The following CCDC97 variants were observed in gnomAD, a reference collection of about 807,000 sequenced individuals.
CCDC97 encodes the protein coiled-coil domain-containing protein 97.
A neutral mutation model predicts 33.9 loss-of-function variants in CCDC97; 27 were observed. The observed-to-expected ratio is 0.80, with a 90% confidence interval of 0.59 to 1.10. The LOEUF (loss-of-function observed/expected upper bound fraction) is 1.10. Ranked by LOEUF, CCDC97 falls within the 50% of genes least tolerant of loss-of-function variation. The pLI, the probability that CCDC97 is intolerant of heterozygous loss-of-function variation, is 0.00. For missense variants in CCDC97, 422 were observed against 476.6 expected, an observed-to-expected ratio of 0.89 and a Z score of 1.07; for synonymous variants, 217 against 194.0, an observed-to-expected ratio of 1.12 and a Z score of -0.99.
At chr19:41,312,857 G>A (rs2037702895) in intron 1 of CCDC97, among the ~76,000 whole-genome samples, 1 of 152,072 alleles carries the variant, frequency 6.6e-6, no homozygotes, top group East Asian at 1.9e-4. Flanking sequence ...TCGGTTCACT[G>A]CAACCTCTGC....
chr19:41,315,245 C>T (rs1298688124), intron 1 of CCDC97, among the ~76,000 whole-genome samples: 1 of 130,954 alleles, frequency 7.6e-6, no homozygotes, highest in Non-Finnish European at 1.5e-5. Context: ...TGCAGTGAAT[C>T]AAGATTGCTC....
At chr19:41,312,113 T>G (rs2037692750) in intron 1 of CCDC97, among the ~76,000 whole-genome samples, 1 of 152,172 alleles carries the variant, frequency 6.6e-6, no homozygotes, top group Non-Finnish European at 1.5e-5. Flanking sequence ...TGAGAGAGTC[T>G]CACTCTGTTG....
At chr19:41,316,008 C>T (rs1366157295) in intron 1 of CCDC97, among the ~76,000 whole-genome samples, 3 of 151,404 alleles carry the variant, frequency 2.0e-5, no homozygotes, top group South Asian at 2.1e-4. Context: ...ATGGGAGGAT[C>T]GCTCAAGCCC....
chr19:41,321,447 G>T (rs7257742), intron 4 of CCDC97, among the ~76,000 whole-genome samples: 32,190 of 152,204 alleles, frequency 0.21, 3,729 homozygotes, highest in East Asian at 0.34. Flanking sequence ...TGGCCCCGAC[G>T]TGTCCCCCAT....
intron 2 of CCDC97, among the ~76,000 whole-genome samples, chr19:41,317,407 A>T (rs964581646): frequency 1.3e-5 from 2 of 152,208 alleles, no homozygotes; most frequent in Admixed American, 6.6e-5. Flanking sequence ...GAGAAGGCAC[A>T]AGTTATAGAG....
chr19:41,313,679 G>A (rs1005130346), intron 1 of CCDC97, among the ~76,000 whole-genome samples: 1 of 152,104 alleles, frequency 6.6e-6, no homozygotes, highest in Non-Finnish European at 1.5e-5. Context: ...ACCAAGGTTT[G>A]CCCAGCGCTC....
At position 41,316,860 on chromosome 19, in the gene CCDC97, A is replaced by G. The variant is rs200877273; in HGVS notation, c.502+21A>G. The G allele has an allele frequency of 8.3e-5, 128 of 1,549,018 alleles. No homozygotes were observed. In the Admixed American group the frequency reaches 2.3e-3, roughly 28 times the overall value. On this transcript the variant is annotated intron_variant, in intron 2 of 4. Coordinates refer to ENST00000269967, the MANE Select transcript of CCDC97 (RefSeq NM_052848.3). ...CCAAGGTGTGGGGGCCAGATGGGCG[A>G]CAGTGGGCACATATGGGGAGGGAGG...
rs1429202017 is a variant in CCDC97, at chr19:41,310,331, G to C, written c.21G>C (p.Ala7=). The C allele has an allele frequency of 6.2e-7, 1 of 1,606,526 alleles. No individual in the cohort carries two copies. The change falls in exon 1 of 5, where the codon GCG becomes GCC. Residue 7 remains alanine, a synonymous_variant. Coordinates refer to ENST00000269967, the MANE Select transcript of CCDC97 (RefSeq NM_052848.3). MEAVAT[A]TAAKEPDKGC... Reference sequence around the variant, plus strand: ...TCAGGATGGAGGCCGTGGCGACGGCGACGGCGGCGAAGGAACCCGATAAGG... The same window carrying C: ...TCAGGATGGAGGCCGTGGCGACGGCCACGGCGGCGAAGGAACCCGATAAGG...
chr19:41,320,210 C>A, intron 3 of CCDC97, 131 bp from the exon 4 acceptor site: 1 of 1,195,154 alleles, frequency 8.4e-7, no homozygotes, highest in Non-Finnish European at 1.2e-6. Flanking sequence ...AGGGCCATCT[C>A]TGTCACTAGT....
chr19:41,320,578 A>G (rs1321242485), intron 4 of CCDC97, 108 bp downstream of exon 4: 2 of 1,433,390 alleles, frequency 1.4e-6, no homozygotes, highest in Non-Finnish European at 9.6e-7. Flanking sequence ...TGGAGCTACA[A>G]GGCCCCAAAA....
At chr19:41,313,085 G>A (rs565379822) in intron 1 of CCDC97, among the ~76,000 whole-genome samples, 4 of 151,910 alleles carry the variant, frequency 2.6e-5, no homozygotes, top group South Asian at 4.2e-4. Context: ...TTTTTTTTAA[G>A]ATAACAGTAA....
chr19:41,313,981 G>A (rs1309700356), intron 1 of CCDC97, among the ~76,000 whole-genome samples: 1 of 151,718 alleles, frequency 6.6e-6, no homozygotes, highest in Admixed American at 6.6e-5. Flanking sequence ...TTACAGGCAT[G>A]AGCCATGGTG....
chr19:41,321,180 C>G (rs1482373178), intron 4 of CCDC97, among the ~76,000 whole-genome samples: 1 of 152,244 alleles, frequency 6.6e-6, no homozygotes, highest in Non-Finnish European at 1.5e-5. Context: ...GTGATTGCCC[C>G]TGCCGTGGGG....
At chr19:41,321,300 G>A (rs1206139029) in intron 4 of CCDC97, among the ~76,000 whole-genome samples, 2 of 152,238 alleles carry the variant, frequency 1.3e-5, no homozygotes, top group Non-Finnish European at 2.9e-5. Flanking sequence ...CCCAGTTCCT[G>A]CACGCAAAGT....
Position 41,321,446 on chromosome 19 carries a change from C to T in CCDC97, c.911+976C>T, listed in dbSNP as rs560199774. Among the ~76,000 whole-genome samples, 256 of 152,342 alleles carry T rather than the reference C, an allele frequency of 1.7e-3. 1 individual carries two copies. The highest frequency in any genetic ancestry group is 6.0e-3 in the African/African-American group (251 of 41,582). On this transcript the variant is annotated intron_variant, in intron 4 of 4. Coordinates refer to ENST00000269967, the MANE Select transcript of CCDC97 (RefSeq NM_052848.3). ...CTCGGGAGGGCAGCAGTGGCCCCGA[C>T]GTGTCCCCCATCCGTGCATTCAGTT...
chr19:41,314,434 G>A (rs1200916395), intron 1 of CCDC97, among the ~76,000 whole-genome samples: 6 of 152,360 alleles, frequency 3.9e-5, no homozygotes, highest in South Asian at 2.1e-4. Context: ...AAGCCACCGC[G>A]CCCGGCCTAA....
chr19:41,310,209 C>A lies in CCDC97; in HGVS notation c.-102C>A, dbSNP rs1325783050. 6.0e-6 allele frequency: 9 copies of A among 1,504,188 alleles called. No individual in the cohort carries two copies. The highest frequency in any genetic ancestry group is 7.2e-6 in the Non-Finnish European group (8 of 1,107,380). The allele number at this position is 1,504,188 out of a possible 1,614,324, so 93.2% of individuals were successfully genotyped here. A position where few individuals can be genotyped will look rare whatever the true frequency, so the allele number is the denominator to read the frequency against. ...TCGGTGCCTGGGCGCAGCGGTGCAC[C>A]CGGACCCGGAACATTCTCAGGCGAA... On this transcript the variant is annotated 5_prime_UTR_variant, in exon 1 of 5. Transcript: ENST00000269967.
At chr19:41,311,699 T>C (rs892616428) in intron 1 of CCDC97, among the ~76,000 whole-genome samples, 1 of 151,716 alleles carries the variant, frequency 6.6e-6, no homozygotes, top group African/African-American at 2.4e-5. Context: ...ATCGCACCAC[T>C]GTACTCCAGT....
At chr19:41,320,576 C>T (rs1411442255) in intron 4 of CCDC97, 106 bp downstream of exon 4, 2 of 1,439,588 alleles carry the variant, frequency 1.4e-6, no homozygotes, top group South Asian at 2.4e-5. Flanking sequence ...TGTGGAGCTA[C>T]AAGGCCCCAA....
Sources: allele counts gnomAD v4.1 joint callset (sites outside exome capture counted in the v4.1 genomes callset), GRCh38; gene constraint gnomAD v4.1.1; transcripts MANE v1.5; gene names NCBI Gene and HGNC (gene_info 2026-07-23, HGNC 2026-07-21).